The following NDUFAF6 variants were observed in gnomAD, a reference collection of about 807,000 sequenced individuals.
NDUFAF6 encodes NADH dehydrogenase (ubiquinone) complex I, assembly factor 6.
In NDUFAF6, 45 loss-of-function variants were observed where a neutral mutation model predicts 40.8. The observed-to-expected ratio is 1.10, with a 90% CI of 0.87 to 1.42. NDUFAF6 has a LOEUF of 1.42. NDUFAF6 is among the 40% of genes most tolerant of loss of function. NDUFAF6 has a pLI of 0.00. For synonymous variants in NDUFAF6, 185 were observed against 155.9 expected, an observed-to-expected ratio of 1.19 and a Z score of -1.39; for missense variants, 435 against 418.5, an observed-to-expected ratio of 1.04 and a Z score of -0.34.
At chr8:94,951,192 G>C (rs1380882405) in intron 2 of NDUFAF6, 1 of 152,168 alleles carries the variant, frequency 6.6e-6, no homozygotes, top group Non-Finnish European at 1.5e-5. Context: ...ACAGGGAGAG[G>C]CTATGTGAAA....
At chr8:95,096,349 C>T (rs373993798), upstream of NDUFAF6, among the ~76,000 whole-genome samples, 32 of 152,198 alleles carry the variant, frequency 2.1e-4, 1 homozygote, top group East Asian at 4.4e-3. Context: ...TCTGTTTCTC[C>T]GCCTCCCTGC....
chr8:94,906,128 A>G (rs1586605191), intron 1 of NDUFAF6, among the ~76,000 whole-genome samples: 1 of 152,190 alleles, frequency 6.6e-6, no homozygotes, highest in African/African-American at 2.4e-5. Flanking sequence ...ATCGCCCTAC[A>G]GATTCTGAGC....
intron 1 of NDUFAF6, among the ~76,000 whole-genome samples, chr8:94,897,606 G>A (rs1336672522): frequency 2.0e-5 from 3 of 150,630 alleles, no homozygotes; most frequent in Non-Finnish European, 4.4e-5. Flanking sequence ...TGATTGCTCC[G>A]ACATTCATTT....
rs79682194 is a variant in NDUFAF6 at position 94,922,481 on chromosome 8, T to A, written c.-935-23002T>A. Among the ~76,000 whole-genome samples, 5 of 7,232 alleles carry A rather than the reference T, an allele frequency of 6.9e-4. No homozygotes were observed. In the South Asian group the frequency reaches 0.032, roughly 46 times the overall value. The allele number at this position is 7,232 out of a possible 152,430, so 4.7% of individuals were successfully genotyped here. On this transcript the variant is annotated intron_variant, in intron 1 of 14. Transcript: ENST00000396113. ...GACCTACTGGATTAGAATCTGCAAT[T>A]TTTTTTTTTTTTTTTGAGGCAGAGT...
intron 2 of NDUFAF6, among the ~76,000 whole-genome samples, chr8:95,082,143 T>C (rs899762715): frequency 6.6e-6 from 1 of 151,550 alleles, no homozygotes; most frequent in African/African-American, 2.4e-5. Flanking sequence ...CTAGTAGAAA[T>C]AACTGAAGTA....
chr8:94,896,738 G>A (rs942601220), intron 1 of NDUFAF6: 2 of 152,144 alleles, frequency 1.3e-5, no homozygotes, highest in African/African-American at 2.4e-5. Flanking sequence ...GCTCCCGCCC[G>A]GCCTTTTGTG....
intron 1 of NDUFAF6, among the ~76,000 whole-genome samples, chr8:94,900,460 C>T (rs1817942976): frequency 6.6e-6 from 1 of 152,054 alleles, no homozygotes; most frequent in Non-Finnish European, 1.5e-5. Context: ...TTGGCTGCCA[C>T]CTCAGAGGGA....
chr8:95,047,974 G>A (rs1021480542), intron 6 of NDUFAF6, among the ~76,000 whole-genome samples: 1 of 151,822 alleles, frequency 6.6e-6, no homozygotes, highest in East Asian at 1.9e-4. Context: ...TGGGAGGGTC[G>A]CTTGAGTCCA....
intron 1 of NDUFAF6, chr8:94,940,171 G>C: frequency 1.2e-6 from 2 of 1,614,004 alleles, no homozygotes; most frequent in Non-Finnish European, 1.7e-6. Flanking sequence ...ACTCTTCACT[G>C]ATGTCCTCCT....
chr8:95,103,497 A>G (rs2132078579), downstream of NDUFAF6: 2 of 152,356 alleles, frequency 1.3e-5, no homozygotes, highest in Non-Finnish European at 2.9e-5. Flanking sequence ...AATCAGTAGG[A>G]TGGCAAATAA....
intron 1 of NDUFAF6, among the ~76,000 whole-genome samples, chr8:95,026,560 A>T (rs977755320): frequency 6.6e-6 from 1 of 152,242 alleles, no homozygotes; most frequent in Non-Finnish European, 1.5e-5. Flanking sequence ...GAATTGTAAA[A>T]GCCAAAAAAA....
chr8:95,017,947 A>G (rs921938695), intron 2 of NDUFAF6, among the ~76,000 whole-genome samples: 9 of 152,254 alleles, frequency 5.9e-5, no homozygotes, highest in Non-Finnish European at 4.4e-5. Flanking sequence ...TCAGTATTAC[A>G]GAAGTTTCCA....
chr8:95,020,224 A>G (rs191903164), upstream of NDUFAF6, among the ~76,000 whole-genome samples: 16 of 152,308 alleles, frequency 1.1e-4, no homozygotes, highest in Admixed American at 7.8e-4. Context: ...AATTGAGGAT[A>G]AGTAAACTAC....
In NDUFAF6 at chr8:95,046,927, A is replaced by G. The variant is rs981492351; in HGVS notation, c.581-67A>G. The G allele has an allele frequency of 7.0e-5, 112 of 1,599,032 alleles. 1 individual carries two copies. Among genetic ancestry groups the G allele is most frequent in the South Asian group, 3.3e-4 (30 of 90,574 alleles). Reference sequence around the variant, plus strand: ...TTTTACATGTTTAGGTTATTTCTCTATGCTATTTCTATTGATTTATTATGC... The same window carrying G: ...TTTTACATGTTTAGGTTATTTCTCTGTGCTATTTCTATTGATTTATTATGC... On this transcript the variant is annotated intron_variant, in intron 5 of 8. Transcript: ENST00000396124.
Position 94,965,637 on chromosome 8 carries a change from TG to T in NDUFAF6, c.-199+7461del. Reference sequence around the variant, plus strand: ...AGGTAGGAAAGCGAGGTCACGGTTCTGGGATAAAAACTCAACAGAATTTAGT... The same window carrying T: ...AGGTAGGAAAGCGAGGTCACGGTTCTGGATAAAAACTCAACAGAATTTAGT... On this transcript the variant is annotated intron_variant, in intron 1 of 9. Transcript: ENST00000396111. Among the ~76,000 whole-genome samples, 3 of 152,324 alleles carry T rather than the reference TG, an allele frequency of 2.0e-5. 1 individual carries two copies. Among genetic ancestry groups the T allele is most frequent in the Middle Eastern group, 3.4e-3 (1 of 294 alleles).
intron 2 of NDUFAF6, among the ~76,000 whole-genome samples, chr8:94,983,624 T>C (rs1825622762): frequency 6.6e-6 from 1 of 152,188 alleles, no homozygotes; most frequent in Non-Finnish European, 1.5e-5. Flanking sequence ...ATTATCATGA[T>C]CTCATTTAAA....
chr8:94,953,377 G>A (rs74980587), upstream of NDUFAF6, among the ~76,000 whole-genome samples: 56 of 151,326 alleles, frequency 3.7e-4, no homozygotes, highest in African/African-American at 1.3e-3. Flanking sequence ...AAAAACCTTT[G>A]AGCAGAAAGC....
chr8:95,046,832 A>C (rs544687604), intron 5 of NDUFAF6, among the ~76,000 whole-genome samples, 162 bp from the exon 6 acceptor site: 6 of 152,224 alleles, frequency 3.9e-5, no homozygotes, highest in Non-Finnish European at 5.9e-5. Flanking sequence ...TAAATGGTCA[A>C]CTTGTTATTG....
intron 1 of NDUFAF6, among the ~76,000 whole-genome samples, chr8:94,897,371 G>A (rs1006510216): frequency 9.2e-5 from 14 of 152,136 alleles, no homozygotes; most frequent in African/African-American, 3.4e-4. Context: ...GGAATAGAGT[G>A]AATTCTCCCA....
Sources: allele counts gnomAD v4.1 joint callset (sites outside exome capture counted in the v4.1 genomes callset), GRCh38; gene constraint gnomAD v4.1.1; transcripts MANE v1.5; gene names NCBI Gene and HGNC (gene_info 2026-07-23, HGNC 2026-07-21).